The following ZNF626 variants were observed in gnomAD, a reference collection of about 807,000 sequenced individuals.
The protein encoded by ZNF626 is CTC-513N18.7.
A neutral mutation model predicts 11.7 loss-of-function variants in ZNF626; 4 were observed. The observed-to-expected ratio is 0.34, with a 90% CI of 0.17 to 0.78. ZNF626 has a LOEUF of 0.78. ZNF626 is among the 30% of genes least tolerant of loss of function. The pLI is 0.57. For missense variants in ZNF626, 588 were observed against 587.1 expected (o/e 1.00, Z -0.01); for synonymous variants, 179 against 198.6 (o/e 0.90, Z 0.83).
At position 20,625,491 on chromosome 19, in the gene ZNF626, CCTT is replaced by C; in HGVS notation, c.383_385del (p.Glu128del). The C allele has an allele frequency of 1.9e-6, 3 of 1,613,962 alleles. No individual in the cohort carries two copies. The highest frequency in any genetic ancestry group is 2.5e-6 in the Non-Finnish European group (3 of 1,179,978). The stretch of plus-strand genomic sequence containing the variant: ...CAAACATTGGTTAAGTTCATTATAA[CCTT>C]CTTTGTGCACCTTACACTCATCCAC... On this transcript the variant is annotated inframe_deletion, in exon 4 of 4. Coordinates refer to ENST00000601440, the MANE Select transcript of ZNF626 (RefSeq NM_001076675.3).
At position 20,625,491 on chromosome 19, in the gene ZNF626, C is replaced by A. The variant is rs781903843; in HGVS notation, c.386G>T (p.Gly129Val). 2 of 1,613,844 alleles carry A rather than the reference C, an allele frequency of 1.2e-6. No individual in the cohort carries two copies. Among genetic ancestry groups the A allele is most frequent in the Non-Finnish European group, 1.7e-6 (2 of 1,179,986 alleles). The change falls in exon 4 of 4, where the codon GGT (glycine) becomes GTT (valine). Residue 129 changes from glycine to valine, a missense_variant. Coordinates refer to ENST00000601440, the MANE Select transcript of ZNF626 (RefSeq NM_001076675.3). The part of the protein sequence containing the change: ...SVDECKVHKE[G>V]YNELNQCLTT... ...CAAACATTGGTTAAGTTCATTATAA[C>A]CTTCTTTGTGCACCTTACACTCATC...
chr19:20,650,831 T>A (rs1260098500), intron 1 of ZNF626, among the ~76,000 whole-genome samples: 2 of 152,134 alleles, frequency 1.3e-5, no homozygotes, highest in Admixed American at 6.5e-5. Context: ...TTTAAACAAA[T>A]CCCTTAAGGT....
In ZNF626 at chr19:20,624,227, T is replaced by C; in HGVS notation, c.*63A>G. On this transcript the variant is annotated 3_prime_UTR_variant, in exon 4 of 4. Transcript: ENST00000601440. ...TGAATTTTCTTATGTGTAGTAAGGT[T>C]AGAGAAATGCTTAAAAGCTTTGTCA... 5.6e-6 allele frequency: 9 copies of C among 1,611,604 alleles called. No homozygotes were observed. Among genetic ancestry groups the C allele is most frequent in the Non-Finnish European group, 7.6e-6 (9 of 1,178,502 alleles).
At chr19:20,629,034 T>G (rs1217833791) in intron 3 of ZNF626, among the ~76,000 whole-genome samples, 3 of 152,204 alleles carry the variant, frequency 2.0e-5, no homozygotes, top group Non-Finnish European at 2.9e-5. Context: ...ATTTATTAAA[T>G]AGGGAATCCT....
chr19:20,653,186 T>C (rs192439142), intron 1 of ZNF626, among the ~76,000 whole-genome samples: 1 of 152,314 alleles, frequency 6.6e-6, no homozygotes, highest in Non-Finnish European at 1.5e-5. Flanking sequence ...GGTTGGCCCT[T>C]ATGTGTTTAT....
intron 3 of ZNF626, among the ~76,000 whole-genome samples, chr19:20,631,383 C>G (rs1384973898): frequency 6.6e-6 from 1 of 152,048 alleles, no homozygotes; most frequent in Non-Finnish European, 1.5e-5. Context: ...GTTGACAGTG[C>G]AGTGTTAAAG....
Position 20,624,822 on chromosome 19 carries a change from T to G in ZNF626, c.1055A>C (p.Tyr352Ser). The G allele has an allele frequency of 6.2e-7, 1 of 1,612,508 alleles. No individual in the cohort carries two copies. Among genetic ancestry groups the G allele is most frequent in the Non-Finnish European group, 8.5e-7 (1 of 1,179,728 alleles). The change falls in exon 4 of 4, where the codon TAC becomes TCC. Residue 352 changes from tyrosine (Y) to serine (S), a missense_variant. This residue lies in a region of ZNF626 where 524 missense variants were observed against 470.1 expected (regional missense o/e 1.11). Transcript: ENST00000601440. ...CTTATGTGTAGTAAGGGTAGAGGAGTACTTAAAGGCTTTGCCACATTCTTC... is the reference window on the plus strand; with the variant it reads ...CTTATGTGTAGTAAGGGTAGAGGAGGACTTAAAGGCTTTGCCACATTCTTC... ...KCEECGKAFKYSSTLTTHKRI... is the reference protein window; with the variant it reads ...KCEECGKAFKSSSTLTTHKRI...
intron 3 of ZNF626, among the ~76,000 whole-genome samples, chr19:20,643,143 T>C (rs1970041350): frequency 6.6e-6 from 1 of 152,180 alleles, no homozygotes; most frequent in Non-Finnish European, 1.5e-5. Context: ...GCAGTATAAT[T>C]ATAAATAGAT....
intron 1 of ZNF626, among the ~76,000 whole-genome samples, chr19:20,655,934 C>CAA (rs59003455): frequency 7.7e-6 from 1 of 129,712 alleles, no homozygotes; most frequent in Admixed American, 7.8e-5. Context: ...GACTTTGCCT[C>CAA]AAAAAAAAAA....
intron 1 of ZNF626, among the ~76,000 whole-genome samples, chr19:20,648,389 T>C (rs941584682): frequency 7.3e-5 from 11 of 151,232 alleles, no homozygotes; most frequent in Admixed American, 1.3e-4. Context: ...TCTTTTTTTT[T>C]TTTCTGAGAT....
chr19:20,661,569 G>A lies in ZNF626; in HGVS notation c.-123C>T, dbSNP rs1382981079. On this transcript the variant is annotated 5_prime_UTR_variant, in exon 1 of 4. Transcript: ENST00000601440. ...ACCTGGAGCTCTGACTGCAGCGAGA[G>A]ACAAAGGCCGCACCAAACCCGGAAA... 5 of 1,161,496 alleles carry A rather than the reference G, an allele frequency of 4.3e-6. No individual in the cohort carries two copies. Among genetic ancestry groups the A allele is most frequent in the African/African-American group, 3.1e-5 (2 of 64,600 alleles). The allele number at this position is 1,161,496 out of a possible 1,614,324, so 71.9% of individuals were successfully genotyped here. A position where few individuals can be genotyped will look rare whatever the true frequency, so the allele number is the denominator to read the frequency against.
At chr19:20,632,136 T>C (rs1203671770) in intron 3 of ZNF626, among the ~76,000 whole-genome samples, 1 of 152,254 alleles carries the variant, frequency 6.6e-6, no homozygotes, top group African/African-American at 2.4e-5. Flanking sequence ...TTCTGGCTTG[T>C]AGAGTTTCTG....
rs1555771911 is a variant in ZNF626, at chr19:20,646,367, A to C, written c.42T>G (p.Ser14=). 6.2e-7 allele frequency: 1 copy of C among 1,614,140 alleles called. No homozygotes were observed. Residue 14 remains serine, a synonymous_variant, in exon 2 of 4, where the codon TCT becomes TCG. Transcript: ENST00000601440. ...LQFRDVAIEF[S]LEEWHCLDTA... ...TGTCCAGGCAATGCCACTCCTCCAG[A>C]GAGAATTCTATGGCCACATCTCTAA...
intron 1 of ZNF626, among the ~76,000 whole-genome samples, chr19:20,655,568 T>G (rs1376055400): frequency 6.6e-6 from 1 of 152,050 alleles, no homozygotes; most frequent in Non-Finnish European, 1.5e-5. Flanking sequence ...TTGACATGAT[T>G]TACATATATT....
intron 1 of ZNF626, among the ~76,000 whole-genome samples, chr19:20,651,250 C>G (rs1420273927): frequency 2.0e-5 from 3 of 150,576 alleles, no homozygotes; most frequent in Admixed American, 6.6e-5. Context: ...CTTTCAAGTA[C>G]AGACATCAGA....
At chr19:20,652,037 C>T (rs1970151378) in intron 1 of ZNF626, among the ~76,000 whole-genome samples, 1 of 152,174 alleles carries the variant, frequency 6.6e-6, no homozygotes, top group Non-Finnish European at 1.5e-5. Context: ...CACAGAACCA[C>T]ACTCCCAAAT....
At chr19:20,635,692 C>T (rs890037669) in intron 3 of ZNF626, among the ~76,000 whole-genome samples, 1 of 152,174 alleles carries the variant, frequency 6.6e-6, no homozygotes, top group South Asian at 2.1e-4. Flanking sequence ...AACAATAATA[C>T]CTAAAAGAGA....
intron 3 of ZNF626, among the ~76,000 whole-genome samples, chr19:20,638,806 G>A (rs1403840918): frequency 1.3e-5 from 2 of 151,922 alleles, no homozygotes; most frequent in African/African-American, 4.8e-5. Context: ...AAAAGTGAAG[G>A]AAGACATACA....
At position 20,624,761 on chromosome 19, in the gene ZNF626, T is replaced by C; in HGVS notation, c.1116A>G (p.Glu372=). The change falls in exon 4 of 4, where the codon GAA becomes GAG. Residue 372 remains glutamate, a synonymous_variant. Coordinates refer to ENST00000601440, the MANE Select transcript of ZNF626 (RefSeq NM_001076675.3). The part of the protein sequence containing the change: ...IHTGEKPYKC[E]ECGKAFKRSS... Reference sequence around the variant, plus strand: ...ACCGCTTGAAGGCTTTGCCACATTCTTCACATTTGTAGGGTTTCTCTCCAG... The same window carrying C: ...ACCGCTTGAAGGCTTTGCCACATTCCTCACATTTGTAGGGTTTCTCTCCAG... 6.2e-7 allele frequency: 1 copy of C among 1,613,480 alleles called. No individual in the cohort carries two copies. Among genetic ancestry groups the C allele is most frequent in the Admixed American group, 1.7e-5 (1 of 60,012 alleles).
Sources: gnomAD v4.1 joint callset for allele counts (sites outside exome capture counted in the v4.1 genomes callset) on GRCh38, gnomAD v4.1.1 for gene constraint, gnomAD v4.1.1 regional missense constraint, MANE v1.5 for transcripts, NCBI Gene and HGNC (gene_info 2026-07-23, HGNC 2026-07-21) for gene names.